Variants in CAST observed in about 807,000 individuals in gnomAD.
CAST encodes MIR583 host.
CAST carries 76 observed loss-of-function variants against 119.6 expected under a neutral mutation model. That is an observed-to-expected ratio of 0.64 (90% CI 0.53 to 0.77). The LOEUF is 0.77. CAST is among the 30% of genes least tolerant of loss of function. The probability of loss-of-function intolerance (pLI) is 0.00; values close to 1 mark genes in which losing one functional copy is unlikely to be tolerated. For synonymous variants in CAST, 319 were observed against 331.6 expected (o/e 0.96, Z 0.41); for missense variants, 953 against 946.5 (o/e 1.01, Z -0.09).
intron 3 of CAST, among the ~76,000 whole-genome samples, chr5:96,696,686 T>TAAAAAAAAAAAAAAAAAAAAAAAAA (rs57199097): frequency 1.0e-5 from 1 of 97,200 alleles, no homozygotes; most frequent in Non-Finnish European, 2.1e-5. Context: ...CTTTCTCTCC[T>TAAAAAAAAAAAAAAAAAAAAAAAAA]AAAAAAAAAA....
chr5:96,367,912 C>G, the CAST span, among the ~76,000 whole-genome samples: 1 of 152,042 alleles, frequency 6.6e-6, no homozygotes, highest in African/African-American at 2.4e-5. Flanking sequence ...TCTTCTGCAT[C>G]GCTCATGCTG....
the CAST span, among the ~76,000 whole-genome samples, chr5:96,398,387 G>A: frequency 6.6e-6 from 1 of 152,128 alleles, no homozygotes; most frequent in African/African-American, 2.4e-5. Flanking sequence ...TAGTGCCCTC[G>A]CAGGAAAAAG....
At chr5:96,055,789 T>C in the CAST span, among the ~76,000 whole-genome samples, 1 of 152,186 alleles carries the variant, frequency 6.6e-6, no homozygotes. Context: ...GCTTTAATTC[T>C]ATATCAGTAA....
At chr5:96,159,833 A>G in the CAST span, among the ~76,000 whole-genome samples, 1 of 152,076 alleles carries the variant, frequency 6.6e-6, no homozygotes, top group Admixed American at 6.6e-5. Flanking sequence ...TAATTCACAT[A>G]CCATACAATT....
the CAST span, among the ~76,000 whole-genome samples, chr5:96,216,902 C>T: frequency 3.3e-5 from 5 of 152,190 alleles, no homozygotes; most frequent in East Asian, 9.6e-4. Flanking sequence ...CTTAACAACT[C>T]AACTGATTCT....
At chr5:96,236,538 G>T in the CAST span, among the ~76,000 whole-genome samples, 1 of 152,142 alleles carries the variant, frequency 6.6e-6, no homozygotes, top group Non-Finnish European at 1.5e-5. Context: ...AGGCACTTCC[G>T]TGAATCCCGC....
At chr5:96,347,510 T>C in the CAST span, among the ~76,000 whole-genome samples, 1 of 152,200 alleles carries the variant, frequency 6.6e-6, no homozygotes, top group Non-Finnish European at 1.5e-5. Flanking sequence ...CATACCAAGC[T>C]GGTCTATCTG....
the CAST span, among the ~76,000 whole-genome samples, chr5:96,460,434 G>T: frequency 2.0e-5 from 3 of 152,150 alleles, 1 homozygote; most frequent in South Asian, 6.2e-4. Flanking sequence ...TGCATGCGGG[G>T]CTTAAAACCT....
intron 1 of CAST, among the ~76,000 whole-genome samples, chr5:96,608,304 T>C (rs977375802): frequency 4.6e-5 from 7 of 152,226 alleles, no homozygotes; most frequent in African/African-American, 1.7e-4. Context: ...CCCCTGCTAC[T>C]AACTAGCTGT....
chr5:96,561,741 G>A (rs1217531457), intron 1 of CAST, among the ~76,000 whole-genome samples: 1 of 146,020 alleles, frequency 6.8e-6, no homozygotes, highest in Non-Finnish European at 1.5e-5. Flanking sequence ...AACATGAGAA[G>A]GATATATATG....
the CAST span, among the ~76,000 whole-genome samples, chr5:96,236,568 A>G: frequency 6.6e-6 from 1 of 152,200 alleles, no homozygotes; most frequent in East Asian, 1.9e-4. Context: ...AAGAGGATTT[A>G]AGGAGTAAGG....
chr5:96,598,499 G>A (rs754843869), intron 1 of CAST, among the ~76,000 whole-genome samples: 3 of 152,112 alleles, frequency 2.0e-5, no homozygotes, highest in Non-Finnish European at 2.9e-5. Flanking sequence ...GCAATGGCCT[G>A]GCTCTACTTC....
At chr5:96,596,766 A>C (rs1747057211) in intron 1 of CAST, among the ~76,000 whole-genome samples, 1 of 152,194 alleles carries the variant, frequency 6.6e-6, no homozygotes, top group Non-Finnish European at 1.5e-5. Context: ...GAGAATCCTC[A>C]GCTGCCAACA....
chr5:96,699,757 A>G (rs1753673369), intron 3 of CAST, among the ~76,000 whole-genome samples: 1 of 152,202 alleles, frequency 6.6e-6, no homozygotes, highest in Admixed American at 6.5e-5. Flanking sequence ...TGGACTGATA[A>G]GGCAGGAAAT....
At chr5:96,061,273 T>C in the CAST span, among the ~76,000 whole-genome samples, 1 of 152,178 alleles carries the variant, frequency 6.6e-6, no homozygotes, top group Middle Eastern at 3.4e-3. Context: ...TACTGAGCAC[T>C]AGATAGTGGG....
the CAST span, among the ~76,000 whole-genome samples, chr5:96,227,664 G>A: frequency 6.6e-6 from 1 of 152,172 alleles, no homozygotes; most frequent in African/African-American, 2.4e-5. Flanking sequence ...CTTTAAAAGT[G>A]TAAAATAAGA....
chr5:96,755,062 C>T (rs769268212), intron 22 of CAST: 25 of 171,102 alleles, frequency 1.5e-4, no homozygotes, highest in Non-Finnish European at 2.3e-4. Flanking sequence ...AGGAATAGGC[C>T]GGGCATGGTG....
chr5:96,557,166 T>G (rs1420089963), intron 1 of CAST, among the ~76,000 whole-genome samples: 1 of 151,848 alleles, frequency 6.6e-6, no homozygotes, highest in Non-Finnish European at 1.5e-5. Context: ...TACTGAGAGA[T>G]TTTGTCACCA....
chr5:96,763,206 T>G, intron 25 of CAST: 3 of 780,796 alleles, frequency 3.8e-6, no homozygotes, highest in Non-Finnish European at 7.2e-6. Context: ...ATTTTCATCC[T>G]GTTGCGTCAG....
Sources: allele counts gnomAD v4.1 joint callset (sites outside exome capture counted in the v4.1 genomes callset), GRCh38; gene constraint gnomAD v4.1.1; transcripts MANE v1.5; gene names NCBI Gene and HGNC (gene_info 2026-07-23, HGNC 2026-07-21).